Variants in LGI2 observed in about 807,000 individuals in gnomAD.
LGI2 encodes leucine rich repeat LGI family member 2, also known as leucine-rich repeat LGI family member 2.
Under a neutral mutation model 52.0 loss-of-function variants are expected in LGI2, and 30 were observed. The observed-to-expected ratio is 0.58, with a 90% CI of 0.43 to 0.78. LGI2 has a LOEUF of 0.78. LGI2 is among the 30% of genes least tolerant of loss of function. The pLI, the probability that LGI2 is intolerant of heterozygous loss-of-function variation, is 0.00. For missense variants in LGI2, 573 were observed against 692.5 expected (o/e 0.83, Z 1.94); for synonymous variants, 270 against 271.8 (o/e 0.99, Z 0.06).
At chr4:25,017,824 T>C (rs1725823589) in intron 6 of LGI2, among the ~76,000 whole-genome samples, 165 bp downstream of exon 6, 1 of 152,074 alleles carries the variant, frequency 6.6e-6, no homozygotes, top group African/African-American at 2.4e-5. Context: ...TTGAGATATT[T>C]TCCTTACCAC....
At chr4:25,029,385 C>T (rs1029920793) in intron 1 of LGI2, among the ~76,000 whole-genome samples, 3 of 152,188 alleles carry the variant, frequency 2.0e-5, no homozygotes, top group African/African-American at 7.2e-5. Flanking sequence ...CAAATGGGAA[C>T]CCCCTCACTC....
rs530079952 is a variant in LGI2, at chr4:25,009,353, C to G, written c.820+2982G>C. Among the ~76,000 whole-genome samples, 150 of 152,284 alleles carry G rather than the reference C, an allele frequency of 9.9e-4. 1 individual carries two copies. The highest frequency in any genetic ancestry group is 1.9e-3 in the Non-Finnish European group (127 of 68,026). ...CCTTTGCCTGGAATGCTCTTCCCCCCTCTCCATGCGAACCAATCCCTCCAA... is the reference window on the plus strand; with the variant it reads ...CCTTTGCCTGGAATGCTCTTCCCCCGTCTCCATGCGAACCAATCCCTCCAA... On this transcript the variant is annotated intron_variant, in intron 7 of 7. Coordinates refer to ENST00000382114, the MANE Select transcript of LGI2 (RefSeq NM_018176.4).
At chr4:25,014,772 A>G (rs1193460959) in intron 6 of LGI2, among the ~76,000 whole-genome samples, 2 of 141,704 alleles carry the variant, frequency 1.4e-5, no homozygotes, top group Non-Finnish European at 3.0e-5. Flanking sequence ...CTGAGGTTGC[A>G]GTGAGCTATG....
At chr4:25,030,086 C>A (rs1311920891) in intron 1 of LGI2, among the ~76,000 whole-genome samples, 1 of 116,520 alleles carries the variant, frequency 8.6e-6, no homozygotes, top group Non-Finnish European at 2.0e-5. Flanking sequence ...CAACTCCAAC[C>A]CGCAAACACA....
intron 7 of LGI2, among the ~76,000 whole-genome samples, chr4:25,005,433 A>G (rs1054850792): frequency 1.3e-5 from 2 of 152,142 alleles, no homozygotes; most frequent in African/African-American, 4.8e-5. Flanking sequence ...CACCAAGGGA[A>G]TTATCATCAT....
intron 7 of LGI2, among the ~76,000 whole-genome samples, chr4:25,011,313 T>G (rs1560289637): frequency 1.3e-5 from 2 of 152,180 alleles, no homozygotes; most frequent in Non-Finnish European, 2.9e-5. Context: ...TACTCTGTGC[T>G]GAGTCTGCAC....
At chr4:25,029,268 G>A (rs577447003) in intron 1 of LGI2, among the ~76,000 whole-genome samples, 17 of 152,294 alleles carry the variant, frequency 1.1e-4, no homozygotes, top group African/African-American at 3.8e-4. Flanking sequence ...ATTTAATAAG[G>A]GGAACTCTAA....
chr4:25,001,429 T>C lies in LGI2; in HGVS notation c.*2022A>G, dbSNP rs930314821. ...GTACCCATTTTTCTGCCCAGGTTTA[T>C]CTGAGTGGTTCCATGCAACAGAAAG... On this transcript the variant is annotated 3_prime_UTR_variant, in exon 8 of 8. Coordinates refer to ENST00000382114, the MANE Select transcript of LGI2 (RefSeq NM_018176.4). 6.6e-6 allele frequency: 1 copy of C among 152,316 alleles called. No individual in the cohort carries two copies. 9.4% of individuals were successfully genotyped at this position (152,316 alleles called of 1,614,324 possible).
Position 25,030,825 on chromosome 4 carries a change from C to T in LGI2, c.-132G>A. 1 of 369,726 alleles carries T rather than the reference C, an allele frequency of 2.7e-6. No individual in the cohort carries two copies. Among genetic ancestry groups the T allele is most frequent in the South Asian group, 1.1e-4 (1 of 9,246 alleles). 22.9% of individuals were successfully genotyped at this position (369,726 alleles called of 1,614,324 possible). ...GCTGCTGGCGAGGACTAGGGAGCCG[C>T]GGGTGTGGGAGGCCGAGCCGCAGCC... is the stretch of plus-strand genomic sequence containing the variant. On this transcript the variant is annotated 5_prime_UTR_variant, in exon 1 of 8. Coordinates refer to ENST00000382114, the MANE Select transcript of LGI2 (RefSeq NM_018176.4).
rs140945180 is a variant in LGI2, at chr4:25,007,414, C to T, written c.821-3146G>A. On this transcript the variant is annotated intron_variant, in intron 7 of 7. Transcript: ENST00000382114. Reference sequence around the variant, plus strand: ...CTAATTGAGAGGGCAGGCTCCTCGTCCCCTTCTTGAGCACCTGGCTATGGA... The same window carrying T: ...CTAATTGAGAGGGCAGGCTCCTCGTTCCCTTCTTGAGCACCTGGCTATGGA... 7.1e-4 allele frequency among the ~76,000 whole-genome samples: 108 copies of T among 152,260 alleles called. 1 individual carries two copies. The East Asian group carries it at 0.012, about 17-fold the overall frequency.
At chr4:25,013,500 G>A (rs73107593) in intron 6 of LGI2, among the ~76,000 whole-genome samples, 2,703 of 152,238 alleles carry the variant, frequency 0.018, 76 homozygotes, top group African/African-American at 0.062. Flanking sequence ...TCTGATTCAC[G>A]ATTATTTCAA....
At chr4:25,024,102 C>A (rs551474156) in intron 4 of LGI2, among the ~76,000 whole-genome samples, 4 of 152,272 alleles carry the variant, frequency 2.6e-5, no homozygotes, top group African/African-American at 7.2e-5. Flanking sequence ...GTCATCTAAG[C>A]CTTGGTTCCA....
At position 25,005,326 on chromosome 4, in the gene LGI2, T is replaced by C. The variant is rs571061298; in HGVS notation, c.821-1058A>G. On this transcript the variant is annotated intron_variant, in intron 7 of 7. Coordinates refer to ENST00000382114, the MANE Select transcript of LGI2 (RefSeq NM_018176.4). The stretch of plus-strand genomic sequence containing the variant: ...CACAATTAAAACAATTTTTTTAAGT[T>C]GTTTAAAAATGTGCTTCCGTAGAAA... Among the ~76,000 whole-genome samples the C allele has an allele frequency of 9.8e-5, 15 of 152,324 alleles. No homozygotes were observed. In the South Asian group the frequency reaches 3.1e-3, roughly 32 times the overall value.
rs188176070 is a variant in LGI2, at chr4:25,014,343, G to A, written c.656-1844C>T. ...GAGCATTTTACAAATCTAGCCTGTC[G>A]TGGCCCTGTTTTAATCTATTTTCCC... is the stretch of plus-strand genomic sequence containing the variant. On this transcript the variant is annotated intron_variant, in intron 6 of 7. Coordinates refer to ENST00000382114, the MANE Select transcript of LGI2 (RefSeq NM_018176.4). Among the ~76,000 whole-genome samples the A allele has an allele frequency of 1.4e-3, 206 of 152,296 alleles. 1 individual carries two copies. Among genetic ancestry groups the A allele is most frequent in the African/African-American group, 4.7e-3 (197 of 41,558 alleles).
In LGI2 at chr4:25,030,760, C is replaced by T. The variant is rs1273603875; in HGVS notation, c.-67G>A. 4 of 918,106 alleles carry T rather than the reference C, an allele frequency of 4.4e-6. No individual in the cohort carries two copies. Among genetic ancestry groups the T allele is most frequent in the African/African-American group, 1.8e-5 (1 of 55,800 alleles). The allele number at this position is 918,106 out of a possible 1,614,324, so 56.9% of individuals were successfully genotyped here. On this transcript the variant is annotated 5_prime_UTR_variant, in exon 1 of 8. Transcript: ENST00000382114. ...CGCGCCGCGCGCTCGGACCCGGCGC[C>T]GCTGCAGACGCGGGCGCCGCTCGCT...
At chr4:25,028,836 T>C (rs1007437303) in intron 1 of LGI2, among the ~76,000 whole-genome samples, 1 of 152,200 alleles carries the variant, frequency 6.6e-6, no homozygotes, top group Admixed American at 6.5e-5. Flanking sequence ...ATTATCTCGG[T>C]CAGTTTAAAT....
At position 25,004,354 on chromosome 4, in the gene LGI2, G is replaced by T; in HGVS notation, c.821-86C>A. 1 of 1,209,398 alleles carries T rather than the reference G, an allele frequency of 8.3e-7. No individual in the cohort carries two copies. 74.9% of individuals were successfully genotyped at this position (1,209,398 alleles called of 1,614,324 possible). On this transcript the variant is annotated intron_variant, in intron 7 of 7. Coordinates refer to ENST00000382114, the MANE Select transcript of LGI2 (RefSeq NM_018176.4). The surrounding 1 kb of genome is among the most constrained non-coding windows in gnomAD (Gnocchi z 4.6). ...TTGTACTCTTATACACTGCTGGTGGGAGTGTGAAATGGCACAGCCACTATG... is the reference window on the plus strand; with the variant it reads ...TTGTACTCTTATACACTGCTGGTGGTAGTGTGAAATGGCACAGCCACTATG...
downstream of LGI2, among the ~76,000 whole-genome samples, chr4:24,997,896 A>T (rs1365380027): frequency 6.6e-6 from 1 of 151,870 alleles, no homozygotes; most frequent in Non-Finnish European, 1.5e-5. Context: ...TTTTTTTAAG[A>T]GATGGTAGTC....
intron 7 of LGI2, among the ~76,000 whole-genome samples, chr4:25,011,792 A>G (rs1725593118): frequency 1.3e-5 from 2 of 152,174 alleles, no homozygotes; most frequent in South Asian, 4.1e-4. Flanking sequence ...ACGGCACTGA[A>G]AGAAGCGTTA....
Sources: allele counts gnomAD v4.1 joint callset (sites outside exome capture counted in the v4.1 genomes callset), GRCh38; gene constraint gnomAD v4.1.1; non-coding constraint Gnocchi (gnomAD v3.1); transcripts MANE v1.5; gene names NCBI Gene and HGNC (gene_info 2026-07-23, HGNC 2026-07-21).